The following FRS2 variants were observed in gnomAD, a reference collection of about 807,000 sequenced individuals.
FRS2 encodes FGFR signalling adaptor.
A neutral mutation model predicts 43.9 loss-of-function variants in FRS2; 8 were observed. The observed-to-expected ratio is 0.18, with a 90% CI of 0.11 to 0.33. The LOEUF (loss-of-function observed/expected upper bound fraction) is 0.33. FRS2 is among the 10% of genes least tolerant of loss of function. The pLI, the probability that FRS2 is intolerant of heterozygous loss-of-function variation, is 1.00. For missense variants in FRS2, 534 were observed against 627.6 expected, an observed-to-expected ratio of 0.85 and a Z score of 1.59; for synonymous variants, 219 against 220.3, an observed-to-expected ratio of 0.99 and a Z score of 0.05.
chr12:69,470,872 C>T (rs559456053), intron 1 of FRS2, among the ~76,000 whole-genome samples: 20 of 152,270 alleles, frequency 1.3e-4, no homozygotes, highest in South Asian at 4.1e-4. Flanking sequence ...TATTCTGTGT[C>T]CGGCCTGGGG....
At chr12:69,519,161 A>G (rs1001897321) in intron 1 of FRS2, among the ~76,000 whole-genome samples, 2 of 152,312 alleles carry the variant, frequency 1.3e-5, no homozygotes, top group African/African-American at 4.8e-5. Context: ...ACACATAGAT[A>G]TGAAGATACC....
intron 3 of FRS2, among the ~76,000 whole-genome samples, chr12:69,547,074 G>C (rs1878474312): frequency 6.6e-6 from 1 of 152,156 alleles, no homozygotes; most frequent in Non-Finnish European, 1.5e-5. Flanking sequence ...CAACATGGAT[G>C]AACCTTGAAG....
At chr12:69,523,947 G>T (rs559171043) in intron 1 of FRS2, among the ~76,000 whole-genome samples, 1 of 152,354 alleles carries the variant, frequency 6.6e-6, no homozygotes, top group Admixed American at 6.5e-5. Context: ...CTTGGTCCTT[G>T]TACTCGTTTG....
chr12:69,561,731 ACAGT>A (rs1181630886), intron 3 of FRS2, among the ~76,000 whole-genome samples: 4 of 152,266 alleles, frequency 2.6e-5, no homozygotes, highest in African/African-American at 9.6e-5. Context: ...GATTTTGAAG[ACAGT>A]CAGCTCTTCA....
chr12:69,501,414 A>G (rs1473304376), intron 1 of FRS2, among the ~76,000 whole-genome samples: 1 of 152,220 alleles, frequency 6.6e-6, no homozygotes, highest in Non-Finnish European at 1.5e-5. Context: ...GGCATGTACC[A>G]TGTTGAAGTT....
At chr12:69,514,954 C>T (rs57221883) in intron 1 of FRS2, among the ~76,000 whole-genome samples, 418 of 152,318 alleles carry the variant, frequency 2.7e-3, no homozygotes, top group African/African-American at 9.4e-3. Flanking sequence ...ATGTTCACTG[C>T]ACCTGATGTT....
chr12:69,552,367 T>C (rs1008834421), intron 3 of FRS2, among the ~76,000 whole-genome samples: 1 of 150,584 alleles, frequency 6.6e-6, no homozygotes, highest in Admixed American at 6.6e-5. Flanking sequence ...TATATGTCTA[T>C]TAATATTCAA....
At position 69,479,579 on chromosome 12, in the gene FRS2, G is replaced by A. The variant is rs183715594; in HGVS notation, c.-261+9049G>A. On this transcript the variant is annotated intron_variant, in intron 1 of 8. Transcript: ENST00000549921. ...CGCCTGGCTAATTTTTGTATTTTCA[G>A]TAGAGATGGGGTTTCACTATGTTGG... Among the ~76,000 whole-genome samples, 782 of 151,866 alleles carry A rather than the reference G, an allele frequency of 5.1e-3. 4 individuals carry two copies. The highest frequency in any genetic ancestry group is 7.5e-3 in the Non-Finnish European group (510 of 67,922).
At chr12:69,538,197 T>TTTTATATA (rs869192774) in intron 3 of FRS2, among the ~76,000 whole-genome samples, 8 of 81,638 alleles carry the variant, frequency 9.8e-5, no homozygotes, top group Non-Finnish European at 1.4e-4. Context: ...AAAACAAATT[T>TTTTATATA]TATATATATA....
chr12:69,518,953 G>A (rs1410965263), intron 1 of FRS2, among the ~76,000 whole-genome samples: 10 of 143,374 alleles, frequency 7.0e-5, no homozygotes, highest in Admixed American at 2.2e-4. Context: ...AGCGGGTAGC[G>A]CCCTTGCACT....
At chr12:69,476,047 C>A (rs1026874076) in intron 1 of FRS2, among the ~76,000 whole-genome samples, 2 of 151,946 alleles carry the variant, frequency 1.3e-5, no homozygotes, top group Admixed American at 6.6e-5. Flanking sequence ...TTCCTCGTGC[C>A]CCTTTTTAAA....
rs189315944 is a variant in FRS2 at position 69,574,674 on chromosome 12, A to G, written c.1246A>G (p.Thr416Ala). ...AGAATATTCAAGGCGTCGGGACTGT[A>G]CACCAACAGTCTTTAACTTTGATAT... ...KIEYSRRRDC[T>A]PTVFNFDIRR... Residue 416 changes from threonine (T) to alanine (A), a missense_variant, in exon 9 of 9, where the codon ACA becomes GCA. This residue lies in a region of FRS2 where 446 missense variants were observed against 494.2 expected (regional missense o/e 0.90). Transcript: ENST00000549921. The G allele has an allele frequency of 1.9e-5, 30 of 1,614,082 alleles. No homozygotes were observed. In the African/African-American group the frequency reaches 3.7e-4, roughly 20 times the overall value.
chr12:69,490,976 TA>T (rs1326649621), intron 1 of FRS2, among the ~76,000 whole-genome samples: 2 of 152,376 alleles, frequency 1.3e-5, no homozygotes, highest in African/African-American at 2.4e-5. Context: ...ATCTAAAATT[TA>T]AAGATACAAA....
intron 8 of FRS2, 146 bp from the exon 9 acceptor site, chr12:69,573,859 G>T: frequency 1.8e-6 from 1 of 551,094 alleles, no homozygotes; most frequent in Non-Finnish European, 3.2e-6. Context: ...AAAAAAACAG[G>T]TGCAAAAGTT....
intron 3 of FRS2, among the ~76,000 whole-genome samples, chr12:69,532,551 C>T (rs1876907538): frequency 6.6e-6 from 1 of 152,120 alleles, no homozygotes. Flanking sequence ...CTGAGCAAAG[C>T]TTCTTTTATA....
At chr12:69,482,466 G>A (rs530104356) in intron 1 of FRS2, among the ~76,000 whole-genome samples, 2 of 152,284 alleles carry the variant, frequency 1.3e-5, no homozygotes, top group East Asian at 3.9e-4. Flanking sequence ...AAGCTGGAGA[G>A]ACTTGGGCAT....
At chr12:69,509,098 A>G (rs907906039) in intron 1 of FRS2, among the ~76,000 whole-genome samples, 9 of 152,212 alleles carry the variant, frequency 5.9e-5, no homozygotes, top group Non-Finnish European at 5.9e-5. Flanking sequence ...GGACACATTA[A>G]GTAATCTGTC....
chr12:69,538,249 C>CAT (rs1351319508), intron 3 of FRS2, among the ~76,000 whole-genome samples: 12 of 83,696 alleles, frequency 1.4e-4, no homozygotes, highest in African/African-American at 6.5e-4. Flanking sequence ...TATATATATA[C>CAT]ATATATATAT....
At chr12:69,525,752 G>GT (rs1477824380) in intron 1 of FRS2, among the ~76,000 whole-genome samples, 4 of 151,498 alleles carry the variant, frequency 2.6e-5, no homozygotes, top group Non-Finnish European at 4.4e-5. Flanking sequence ...AGTGGTATGT[G>GT]TTTTTTTAAA....
Sources: gnomAD v4.1 joint callset for allele counts (sites outside exome capture counted in the v4.1 genomes callset) on GRCh38, gnomAD v4.1.1 for gene constraint, gnomAD v4.1.1 regional missense constraint, MANE v1.5 for transcripts, NCBI Gene and HGNC (gene_info 2026-07-23, HGNC 2026-07-21) for gene names.